Variants in RNF31 observed in about 807,000 individuals in gnomAD.
RNF31 encodes the protein ring finger protein 31.
In RNF31, 38 loss-of-function variants were observed where a neutral mutation model predicts 133.6. That is an observed-to-expected ratio of 0.28 (90% CI 0.22 to 0.37). The LOEUF (loss-of-function observed/expected upper bound fraction) is 0.37, where lower values mean the gene tolerates loss of function less well. RNF31 is among the 10% of genes least tolerant of loss of function. RNF31 has a pLI of 1.00. For synonymous variants in RNF31, 582 were observed against 552.3 expected, an observed-to-expected ratio of 1.05 and a Z score of -0.75; for missense variants, 1,118 against 1,394.1, an observed-to-expected ratio of 0.80 and a Z score of 3.15.
rs2038203563 is a variant in RNF31, at chr14:24,148,279, T to C, written c.361T>C (p.Leu121=). ...GCAGGGGGGCCGAGATGTGCTGCGA[T>C]TATATGGCTACACAGAGGAGCAACC... ...AVQGGRDVLR[L]YGYTEEQPDG... The change falls in exon 3 of 21, where the codon TTA becomes CTA. Residue 121 remains leucine (L), a synonymous_variant. Transcript: ENST00000324103. 1 of 1,614,140 alleles carries C rather than the reference T, an allele frequency of 6.2e-7. No homozygotes were observed. The highest frequency in any genetic ancestry group is 8.5e-7 in the Non-Finnish European group (1 of 1,180,014).
Position 24,160,623 on chromosome 14 carries a change from C to A in RNF31, c.*50C>A. ...GTCCCATGGCCTGCTCCCTCAGGAA[C>A]AGCTCCAGCACCAATAAAGAGGCAT... On this transcript the variant is annotated 3_prime_UTR_variant, in exon 21 of 21. Coordinates refer to ENST00000324103, the MANE Select transcript of RNF31 (RefSeq NM_017999.5). The surrounding 1 kb of genome is among the most constrained non-coding windows in gnomAD (Gnocchi z 4.0). 7.0e-7 allele frequency: 1 copy of A among 1,423,750 alleles called. No individual in the cohort carries two copies. Among genetic ancestry groups the A allele is most frequent in the Non-Finnish European group, 9.4e-7 (1 of 1,063,478 alleles). The allele number at this position is 1,423,750 out of a possible 1,614,324, so 88.2% of individuals were successfully genotyped here. A position where few individuals can be genotyped will look rare whatever the true frequency, so the allele number is the denominator to read the frequency against.
rs2038270012 is a variant in RNF31 at position 24,151,744 on chromosome 14, A to C, written c.1924-42A>C. 1 of 1,600,200 alleles carries C rather than the reference A, an allele frequency of 6.2e-7. No homozygotes were observed. The highest frequency in any genetic ancestry group is 8.5e-7 in the Non-Finnish European group (1 of 1,172,820). On this transcript the variant is annotated intron_variant, in intron 10 of 20. Coordinates refer to ENST00000324103, the MANE Select transcript of RNF31 (RefSeq NM_017999.5). This position sits in a 1 kb window ranked among gnomAD's most constrained non-coding sequence, Gnocchi z 5.3. ...GGGAGCTGAGGGGAAGGGTCCCTGG[A>C]GTCTGACAGCACTTCCCCCCTCCAC...
chr14:24,149,575 G>T lies in RNF31; in HGVS notation c.801G>T (p.Leu267=). 1 of 1,613,058 alleles carries T rather than the reference G, an allele frequency of 6.2e-7. No individual in the cohort carries two copies. The highest frequency in any genetic ancestry group is 8.5e-7 in the Non-Finnish European group (1 of 1,179,500). ...CTGGGGTCCTGCAGGGTACCCACCT[G>T]AGCCCCAGGTGAGAGGGCTTCTCTT... ...TLPGVLQGTH[L]SPSLPASAQP... Residue 267 remains leucine (L), a synonymous_variant, in exon 6 of 21, where the codon CTG becomes CTT. Transcript: ENST00000324103.
At chr14:24,152,812 T>A (rs554074682) in intron 11 of RNF31, among the ~76,000 whole-genome samples, 1 of 152,312 alleles carries the variant, frequency 6.6e-6, no homozygotes, top group African/African-American at 2.4e-5. Flanking sequence ...CTGGGCGCGG[T>A]GGCTCACGCC....
intron 18 of RNF31, 31 bp from the exon 19 acceptor site, chr14:24,159,833 A>C: frequency 6.3e-7 from 1 of 1,584,042 alleles, no homozygotes; most frequent in South Asian, 1.1e-5. Context: ...TTGGCCTCCC[A>C]ACAGAGGCTC....
In RNF31 at chr14:24,148,276, C is replaced by T; in HGVS notation, c.358C>T (p.Arg120Ter). ...DAVQGGRDVLRLYGYTEEQPD... is the reference protein window; with the variant it reads ...DAVQGGRDVL ...GTGGCAGGGGGGCCGAGATGTGCTG[C>T]GATTATATGGCTACACAGAGGAGCA... Residue 120 changes from arginine (R) to a stop codon, truncating the protein, a stop_gained, in exon 3 of 21, where the codon CGA becomes TGA. Coordinates refer to ENST00000324103, the MANE Select transcript of RNF31 (RefSeq NM_017999.5). LOFTEE classifies it high-confidence loss of function. 6.2e-7 allele frequency: 1 copy of T among 1,614,086 alleles called. No homozygotes were observed. Among genetic ancestry groups the T allele is most frequent in the Non-Finnish European group, 8.5e-7 (1 of 1,180,014 alleles).
Position 24,155,294 on chromosome 14 carries a change from A to G in RNF31, c.2268A>G (p.Thr756=). The G allele has an allele frequency of 3.7e-6, 6 of 1,614,102 alleles. No homozygotes were observed. The highest frequency in any genetic ancestry group is 1.6e-4 in the Middle Eastern group (1 of 6,062). The stretch of plus-strand genomic sequence containing the variant: ...GCCGCCCCGACCTCACCGATGACAC[A>G]CAGTTGCTCAGCTACTTCTCTACCC... ...ACGRPDLTDD[T]QLLSYFSTLD... is the part of the protein sequence containing the mutation. The change falls in exon 12 of 21, where the codon ACA becomes ACG. Residue 756 remains threonine, a synonymous_variant. Coordinates refer to ENST00000324103, the MANE Select transcript of RNF31 (RefSeq NM_017999.5). The surrounding 1 kb of genome is among the most constrained non-coding windows in gnomAD (Gnocchi z 4.9).
intron 5 of RNF31, chr14:24,149,130 A>G (rs981447671): frequency 1.7e-6 from 1 of 592,626 alleles, no homozygotes; most frequent in Admixed American, 3.0e-5. Flanking sequence ...CGCTCGGCTA[A>G]TTTTGTATTT....
chr14:24,149,386 C>A lies in RNF31; in HGVS notation c.632-20C>A, dbSNP rs775245836. ...GCCTGGTCTTTTTTGGAAAGATGTT[C>A]CATCTCTCCTGCCCTCCAGGCTCCA... On this transcript the variant is annotated intron_variant, in intron 5 of 20. Coordinates refer to ENST00000324103, the MANE Select transcript of RNF31 (RefSeq NM_017999.5). 1 of 1,602,276 alleles carries A rather than the reference C, an allele frequency of 6.2e-7. No homozygotes were observed. The highest frequency in any genetic ancestry group is 8.5e-7 in the Non-Finnish European group (1 of 1,171,436).
chr14:24,149,672 G>A (rs900637595), intron 6 of RNF31, 89 bp downstream of exon 6: 30 of 1,350,426 alleles, frequency 2.2e-5, no homozygotes, highest in Admixed American at 1.0e-4. Flanking sequence ...CTGTGCTAAA[G>A]ACTGTTTAAT....
rs375226912 is a variant in RNF31 at position 24,151,292 on chromosome 14, C to T, written c.1650C>T (p.Ser550=). 1 of 1,614,112 alleles carries T rather than the reference C, an allele frequency of 6.2e-7. No homozygotes were observed. Among genetic ancestry groups the T allele is most frequent in the African/African-American group, 1.3e-5 (1 of 74,940 alleles). Residue 550 remains serine (S), a synonymous_variant, in exon 9 of 21, where the codon TCC becomes TCT. Transcript: ENST00000324103. The surrounding 1 kb of genome is among the most constrained non-coding windows in gnomAD (Gnocchi z 5.3). ...AGGACCCTGGGCTGGGTGCCTTTTCCTGTCAGGAGGCCCGGAGAGCCTGGC... is the reference window on the plus strand; with the variant it reads ...AGGACCCTGGGCTGGGTGCCTTTTCTTGTCAGGAGGCCCGGAGAGCCTGGC... ...GQQDPGLGAF[S]CQEARRAWLD...
chr14:24,160,248 C>T lies in RNF31; in HGVS notation c.3006C>T (p.Tyr1002=), dbSNP rs977757625. ...AGYAGLCQAH[Y]KEYLVSLINA... is the part of the protein sequence containing the mutation. ...TCCCTTTTCTCCCCAGGGCACACTA[C>T]AAAGAGTATCTTGTGAGCCTCATCA... is the stretch of plus-strand genomic sequence containing the variant. Residue 1002 remains tyrosine, a synonymous_variant, in exon 20 of 21, where the codon TAC becomes TAT. Transcript: ENST00000324103. The surrounding 1 kb of genome is among the most constrained non-coding windows in gnomAD (Gnocchi z 4.0). The T allele has an allele frequency of 1.9e-6, 3 of 1,613,434 alleles. No homozygotes were observed. Among genetic ancestry groups the T allele is most frequent in the Non-Finnish European group, 2.5e-6 (3 of 1,179,920 alleles).
In RNF31 at chr14:24,148,433, TTGA is replaced by T. The variant is rs1187174498; in HGVS notation, c.495+23_495+25del. The stretch of plus-strand genomic sequence containing the variant: ...TTGCAGGTGAGATGCTCCTCTAGTC[TTGA>T]TGGACTTATGCACCAGGGCTGGGGA... On this transcript the variant is annotated intron_variant, in intron 3 of 20. Coordinates refer to ENST00000324103, the MANE Select transcript of RNF31 (RefSeq NM_017999.5). 1.3e-5 allele frequency: 21 copies of T among 1,613,776 alleles called. No individual in the cohort carries two copies. The highest frequency in any genetic ancestry group is 2.7e-5 in the African/African-American group (2 of 74,924).
In RNF31 at chr14:24,148,245, G is replaced by C; in HGVS notation, c.340-13G>C. The stretch of plus-strand genomic sequence containing the variant: ...AAACCTCCTGGGTGGTGACTCGTTT[G>C]AATGTGTGGCAGGGGGGCCGAGATG... On this transcript the variant is annotated splice_polypyrimidine_tract_variant and intron_variant, in intron 2 of 20. Transcript: ENST00000324103. 1.2e-6 allele frequency: 2 copies of C among 1,614,136 alleles called. No homozygotes were observed. The highest frequency in any genetic ancestry group is 8.5e-7 in the Non-Finnish European group (1 of 1,180,026).
At position 24,150,462 on chromosome 14, in the gene RNF31, C is replaced by G. The variant is rs1566613424; in HGVS notation, c.1197+14C>G. 5 of 1,601,514 alleles carry G rather than the reference C, an allele frequency of 3.1e-6. No individual in the cohort carries two copies. Among genetic ancestry groups the G allele is most frequent in the Non-Finnish European group, 4.3e-6 (5 of 1,172,092 alleles). On this transcript the variant is annotated intron_variant, in intron 7 of 20. Coordinates refer to ENST00000324103, the MANE Select transcript of RNF31 (RefSeq NM_017999.5). ...CAACCCCTTCAGGTAACTGGCCTTCCCAGCTCTTTATCGTGTGTTACCTCA... is the reference window on the plus strand; with the variant it reads ...CAACCCCTTCAGGTAACTGGCCTTCGCAGCTCTTTATCGTGTGTTACCTCA...
chr14:24,148,920 G>A (rs367726847), intron 5 of RNF31, 44 bp downstream of exon 5: 193 of 1,525,902 alleles, frequency 1.3e-4, no homozygotes, highest in Non-Finnish European at 1.7e-4. Flanking sequence ...AAGCTATATT[G>A]ATGGAAATTT....
chr14:24,158,091 A>C (rs779604928), intron 17 of RNF31, 51 bp from the exon 18 acceptor site: 1 of 1,612,060 alleles, frequency 6.2e-7, no homozygotes, highest in Non-Finnish European at 8.5e-7. Flanking sequence ...GAATTGCAAC[A>C]GGGACTTGGC....
rs1233285414 is a variant in RNF31, at chr14:24,150,118, C to T, written c.867C>T (p.Asp289=). 1.2e-6 allele frequency: 2 copies of T among 1,607,394 alleles called. No homozygotes were observed. Among genetic ancestry groups the T allele is most frequent in the East Asian group, 2.2e-5 (1 of 44,634 alleles). Residue 289 remains aspartate (D), a synonymous_variant, in exon 7 of 21, where the codon GAC becomes GAT. Coordinates refer to ENST00000324103, the MANE Select transcript of RNF31 (RefSeq NM_017999.5). Reference sequence around the variant, plus strand: ...CGACCTCCCTGCTGGCCCTGGGAGACAGCTCTCTTTCTTCCCCTAATCCTG... The same window carrying T: ...CGACCTCCCTGCTGGCCCTGGGAGATAGCTCTCTTTCTTCCCCTAATCCTG... ...PQSTSLLALG[D]SSLSSPNPAS...
rs750855933 is a variant in RNF31, at chr14:24,150,902, C to T, written c.1488+14C>T. On this transcript the variant is annotated intron_variant, in intron 8 of 20. Transcript: ENST00000324103. ...AGCATGATCCGGGTAAGGACTGGGC[C>T]TGCGATGAGGTAGGGCTGAGCTGGT... 1 of 1,543,610 alleles carries T rather than the reference C, an allele frequency of 6.5e-7. No homozygotes were observed. Among genetic ancestry groups the T allele is most frequent in the Non-Finnish European group, 8.7e-7 (1 of 1,144,838 alleles).
Sources: allele counts gnomAD v4.1 joint callset (sites outside exome capture counted in the v4.1 genomes callset), GRCh38; gene constraint gnomAD v4.1.1; non-coding constraint Gnocchi (gnomAD v3.1); transcripts MANE v1.5; gene names NCBI Gene and HGNC (gene_info 2026-07-23, HGNC 2026-07-21).